Variants in LCT observed in about 807,000 individuals in gnomAD.
LCT encodes lactase/phlorizin hydrolase.
A neutral mutation model predicts 173.0 loss-of-function variants in LCT; 90 were observed. The ratio of observed to expected loss-of-function variants is 0.52; its 90% CI spans 0.44 to 0.62. The LOEUF is 0.62. Ranked by LOEUF, LCT falls within the 20% of genes least tolerant of loss-of-function variation. The pLI, the probability that LCT is intolerant of heterozygous loss-of-function variation, is 0.00. For synonymous variants in LCT, 853 were observed against 957.6 expected, an observed-to-expected ratio of 0.89 and a Z score of 2.02; for missense variants, 1,864 against 2,431.4, an observed-to-expected ratio of 0.77 and a Z score of 4.91.
At position 135,809,082 on chromosome 2, in the gene LCT, C is replaced by A. The variant is rs1212379219; in HGVS notation, c.3265G>T (p.Ala1089Ser). ...FPPGVKDPGW[A>S]PYRIAHAVIK... is the part of the protein sequence containing the mutation. ...ACGGCGTGGGCTATCCTATATGGTG[C>A]CCAGCCTGGGTCCTTCACCCCTGGG... Residue 1089 changes from alanine (A) to serine (S), a missense_variant, in exon 8 of 17, where the codon GCA becomes TCA. By Grantham distance (99) the Ala-to-Ser change is moderately conservative. Around this residue, in one of 4 missense-constraint regions of LCT, gnomAD observed 755 missense variants for 926.3 expected, o/e 0.82. Coordinates refer to ENST00000264162, the MANE Select transcript of LCT (RefSeq NM_002299.4). This position sits in a 1 kb window ranked among gnomAD's most constrained non-coding sequence, Gnocchi z 5.5. The A allele has an allele frequency of 6.2e-7, 1 of 1,613,756 alleles. No individual in the cohort carries two copies. The highest frequency in any genetic ancestry group is 1.7e-5 in the Admixed American group (1 of 60,010).
At chr2:135,823,855 G>A (rs1239632304) in intron 4 of LCT, 46 bp downstream of exon 4, 16 of 1,259,296 alleles carry the variant, frequency 1.3e-5, no homozygotes, top group Non-Finnish European at 1.9e-5. Context: ...TAGCACACCA[G>A]TGCACCAGAT....
At chr2:135,807,076 G>A in intron 9 of LCT, 52 bp downstream of exon 9, 1 of 1,601,162 alleles carries the variant, frequency 6.2e-7, no homozygotes, top group South Asian at 1.1e-5. Flanking sequence ...CCCAGAGCCT[G>A]GCACAGGGCA....
intron 1 of LCT, 44 bp downstream of exon 1, chr2:135,836,481 GTGTGA>G (rs1236005338): frequency 1.3e-6 from 2 of 1,551,356 alleles, no homozygotes; most frequent in African/African-American, 2.7e-5. Context: ...TGGGGAAGGT[GTGTGA>G]TGAAGGTTGC....
At chr2:135,824,586 G>A (rs4994735) in intron 3 of LCT, among the ~76,000 whole-genome samples, 6 of 152,292 alleles carry the variant, frequency 3.9e-5, no homozygotes, top group Non-Finnish European at 2.9e-5. Context: ...GGAGATAGAA[G>A]TTATAGGTTA....
chr2:135,820,336 A>G (rs2077817611), intron 5 of LCT: 1 of 152,126 alleles, frequency 6.6e-6, no homozygotes, highest in Non-Finnish European at 1.5e-5. Context: ...AACCCATTTT[A>G]TTACGGCTTC....
chr2:135,836,005 T>TATATATATATATAC (rs1558748623), intron 1 of LCT, among the ~76,000 whole-genome samples: 1 of 18,380 alleles, frequency 5.4e-5, no homozygotes, highest in African/African-American at 8.4e-5. Flanking sequence ...TATATATATA[T>TATATATATATATAC]ATATATATAT....
chr2:135,812,780 C>G lies in LCT; in HGVS notation c.1884G>C (p.Leu628=). 6.2e-7 allele frequency: 1 copy of G among 1,614,164 alleles called. No individual in the cohort carries two copies. The highest frequency in any genetic ancestry group is 1.7e-5 in the Admixed American group (1 of 60,024). ...CAAAGACGGGGTGTGCAAACCAGCC[C>G]AGCATGAAGTGCAAGAAGCGCTCAG... The part of the protein sequence containing the change: ...RASERFLHFM[L]GWFAHPVFVD... The change falls in exon 7 of 17, where the codon CTG becomes CTC. Residue 628 remains leucine, a synonymous_variant. Transcript: ENST00000264162.
At chr2:135,834,824 A>AAAATGTTTAAC (rs2077972584) in intron 1 of LCT, among the ~76,000 whole-genome samples, 1 of 150,382 alleles carries the variant, frequency 6.6e-6, no homozygotes, top group Admixed American at 6.6e-5. Context: ...GAAGAAAAAA[A>AAAATGTTTAAC]TGTTTAACGT....
intron 11 of LCT, among the ~76,000 whole-genome samples, chr2:135,801,277 A>G (rs781672669): frequency 6.6e-6 from 1 of 152,230 alleles, no homozygotes; most frequent in African/African-American, 2.4e-5. Flanking sequence ...CTAAAGGTGA[A>G]GTGTGACATT....
chr2:135,805,183 G>A, intron 9 of LCT, 126 bp from the exon 10 acceptor site: 1 of 944,238 alleles, frequency 1.1e-6, no homozygotes, highest in South Asian at 1.4e-5. Flanking sequence ...CTTAAAACAA[G>A]CACATTGGTC....
At chr2:135,831,739 C>T (rs1247041555) in intron 2 of LCT, among the ~76,000 whole-genome samples, 1 of 151,976 alleles carries the variant, frequency 6.6e-6, no homozygotes, top group Non-Finnish European at 1.5e-5. Context: ...AAGACCAGAC[C>T]CTGACTCCTG....
At chr2:135,829,449 T>G in intron 3 of LCT, 144 bp downstream of exon 3, 1 of 731,316 alleles carries the variant, frequency 1.4e-6, no homozygotes, top group Non-Finnish European at 2.5e-6. Flanking sequence ...ATGCTTGCAA[T>G]GGAAATCTCC....
In LCT at chr2:135,790,628, G is replaced by T. The variant is rs770809351; in HGVS notation, c.5335+30C>A. On this transcript the variant is annotated intron_variant, in intron 15 of 16. Transcript: ENST00000264162. This position sits in a 1 kb window ranked among gnomAD's most constrained non-coding sequence, Gnocchi z 4.1. Reference sequence around the variant, plus strand: ...GCAGATGTTTCCAACAGGGGAAGGTGCACGCTGGGGAAGGGCGGGCCCGTC... The same window carrying T: ...GCAGATGTTTCCAACAGGGGAAGGTTCACGCTGGGGAAGGGCGGGCCCGTC... 6 of 1,404,908 alleles carry T rather than the reference G, an allele frequency of 4.3e-6. No homozygotes were observed. The highest frequency in any genetic ancestry group is 6.1e-6 in the Non-Finnish European group (6 of 991,130). 87.0% of individuals were successfully genotyped at this position (1,404,908 alleles called of 1,614,324 possible).
At chr2:135,794,619 G>C (rs527494590) in intron 14 of LCT, 22 bp downstream of exon 14, 1 of 1,613,294 alleles carries the variant, frequency 6.2e-7, no homozygotes, top group Non-Finnish European at 8.5e-7. Context: ...GATGGCTCCG[G>C]GCTCCCTGTT....
intron 6 of LCT, among the ~76,000 whole-genome samples, chr2:135,813,806 T>A (rs1038779184): frequency 5.9e-5 from 9 of 152,264 alleles, no homozygotes; most frequent in Non-Finnish European, 1.3e-4. Flanking sequence ...CTTGCTTATT[T>A]GTTCTTCTTT....
intron 14 of LCT, among the ~76,000 whole-genome samples, chr2:135,793,823 C>A (rs2077553298): frequency 6.6e-6 from 1 of 152,108 alleles, no homozygotes; most frequent in Admixed American, 6.5e-5. Flanking sequence ...AATCCCAGCA[C>A]TTTGGGAGGC....
In LCT at chr2:135,804,829, C is replaced by T. The variant is rs1428946574; in HGVS notation, c.4402G>A (p.Ala1468Thr). ...PDGTTRYINE[A>T]GLNYYVRLID... ...AGCCTCACGTAGTAGTTCAGGCCCGCTTCATTGATGTACCTGGTGGTTCCA... is the reference window on the plus strand; with the variant it reads ...AGCCTCACGTAGTAGTTCAGGCCCGTTTCATTGATGTACCTGGTGGTTCCA... The change falls in exon 10 of 17, where the codon GCG (alanine) becomes ACG (threonine). Residue 1468 changes from alanine to threonine, a missense_variant. This residue lies in a region of LCT where 514 missense variants were observed against 750.1 expected (regional missense o/e 0.69). Transcript: ENST00000264162. 1 of 1,613,890 alleles carries T rather than the reference C, an allele frequency of 6.2e-7. No individual in the cohort carries two copies. The highest frequency in any genetic ancestry group is 8.5e-7 in the Non-Finnish European group (1 of 1,180,056).
At chr2:135,814,082 T>C (rs921636255) in intron 6 of LCT, among the ~76,000 whole-genome samples, 2 of 152,228 alleles carry the variant, frequency 1.3e-5, no homozygotes, top group Admixed American at 6.5e-5. Flanking sequence ...ATATAAAGCA[T>C]TGAGCAGAAA....
At chr2:135,797,826 T>A (rs1446601973) in intron 13 of LCT, among the ~76,000 whole-genome samples, 3 of 152,218 alleles carry the variant, frequency 2.0e-5, no homozygotes, top group Non-Finnish European at 2.9e-5. Context: ...ACAGATTTCC[T>A]GGCTGTTCCA....
Sources: allele counts gnomAD v4.1 joint callset (sites outside exome capture counted in the v4.1 genomes callset), GRCh38; gene constraint gnomAD v4.1.1; regional missense constraint gnomAD v4.1.1; non-coding constraint Gnocchi (gnomAD v3.1); transcripts MANE v1.5; gene names NCBI Gene and HGNC (gene_info 2026-07-23, HGNC 2026-07-21).